Variants in CCDC138 observed in about 807,000 individuals in gnomAD.
The protein encoded by CCDC138 is coiled-coil domain containing 138.
A neutral mutation model predicts 82.3 loss-of-function variants in CCDC138; 66 were observed. That is an observed-to-expected ratio of 0.80 (90% CI 0.66 to 0.98). The LOEUF is 0.98. Among genes scored for constraint, CCDC138 ranks in the 50% least tolerant of loss-of-function variants. CCDC138 has a pLI of 0.00. For missense variants in CCDC138, 816 were observed against 758.9 expected (o/e 1.08, Z -0.88); for synonymous variants, 297 against 265.4 (o/e 1.12, Z -1.16).
At chr2:108,884,892 C>T (rs1696385420) in intron 2 of CCDC138, 1 of 151,288 alleles carries the variant, frequency 6.6e-6, no homozygotes, top group Non-Finnish European at 1.5e-5. Flanking sequence ...CACCTCTGCT[C>T]TGTGGCCAGG....
chr2:108,848,959 A>G (rs1171872022), intron 12 of CCDC138, among the ~76,000 whole-genome samples: 1 of 152,218 alleles, frequency 6.6e-6, no homozygotes, highest in East Asian at 1.9e-4. Context: ...TACTGCAGTT[A>G]TTATAACTAT....
intron 7 of CCDC138, 64 bp downstream of exon 7, chr2:108,805,072 A>G (rs1682637538): frequency 1.1e-6 from 1 of 927,528 alleles, no homozygotes; most frequent in Non-Finnish European, 1.5e-6. Context: ...TATATATAAC[A>G]AATTAAAGTC....
intron 10 of CCDC138, 84 bp from the exon 11 acceptor site, chr2:108,839,101 T>C (rs1207799126): frequency 3.6e-6 from 5 of 1,390,568 alleles, no homozygotes; most frequent in Non-Finnish European, 4.8e-6. Flanking sequence ...TTTTTAAAGA[T>C]AATTTTGGAA....
intron 12 of CCDC138, among the ~76,000 whole-genome samples, chr2:108,848,877 G>T (rs1690934753): frequency 1.3e-5 from 2 of 152,148 alleles, no homozygotes; most frequent in South Asian, 4.1e-4. Context: ...GCTTCCCTGT[G>T]CAAGTCATTT....
chr2:108,819,930 A>C (rs986994990), intron 10 of CCDC138, among the ~76,000 whole-genome samples: 3 of 152,238 alleles, frequency 2.0e-5, no homozygotes, highest in Non-Finnish European at 4.4e-5. Flanking sequence ...AGAGAACACA[A>C]AAAACTAAGC....
At chr2:108,820,712 A>AC (rs1553413043) in intron 10 of CCDC138, among the ~76,000 whole-genome samples, 5 of 22,600 alleles carry the variant, frequency 2.2e-4, no homozygotes, top group South Asian at 1.6e-3. Context: ...AAAAAAAAAA[A>AC]AAACAAACAA....
intron 9 of CCDC138, among the ~76,000 whole-genome samples, chr2:108,813,248 C>CAAAAAAAA (rs371435296): frequency 2.2e-4 from 14 of 63,542 alleles, no homozygotes; most frequent in Non-Finnish European, 3.1e-4. Flanking sequence ...GACTCCGTCT[C>CAAAAAAAA]AAAAAAAAAA....
intron 11 of CCDC138, among the ~76,000 whole-genome samples, chr2:108,843,844 T>TTGTGTGTGTG (rs71383805): frequency 0.012 from 270 of 22,820 alleles, 12 homozygotes; most frequent in African/African-American, 0.016. Flanking sequence ...AGTTCATGTT[T>TTGTGTGTGTG]TGTGTGTGTG....
chr2:108,873,437 G>C lies in CCDC138; in HGVS notation c.1694-14G>C. 1.3e-6 allele frequency: 2 copies of C among 1,572,618 alleles called. No individual in the cohort carries two copies. Among genetic ancestry groups the C allele is most frequent in the Non-Finnish European group, 1.7e-6 (2 of 1,163,860 alleles). ...TACTCCCTAATAGTAAAGCACTGTT[G>C]ATTTGTTTTGCAGAATCCTTGCAGC... On this transcript the variant is annotated splice_polypyrimidine_tract_variant and intron_variant, in intron 13 of 14. Coordinates refer to ENST00000295124, the MANE Select transcript of CCDC138 (RefSeq NM_144978.3).
chr2:108,876,399 A>G lies in CCDC138; in HGVS notation c.*146A>G, dbSNP rs980289563. ...ATAATTTTTTTGAACTGTAAAAATG[A>G]AATCTGTAGAAGGTATTGGAACTTT... On this transcript the variant is annotated 3_prime_UTR_variant, in exon 15 of 15. Transcript: ENST00000295124. 5 of 494,032 alleles carry G rather than the reference A, an allele frequency of 1.0e-5. No individual in the cohort carries two copies. Among genetic ancestry groups the G allele is most frequent in the African/African-American group, 9.7e-5 (5 of 51,598 alleles). 30.6% of individuals were successfully genotyped at this position (494,032 alleles called of 1,614,324 possible).
chr2:108,806,514 C>T (rs1020150868), intron 7 of CCDC138, among the ~76,000 whole-genome samples: 6 of 152,124 alleles, frequency 3.9e-5, no homozygotes, highest in Non-Finnish European at 5.9e-5. Flanking sequence ...GAGGTCAGCA[C>T]GCTTTTTCTG....
chr2:108,862,792 C>T (rs1693837751), intron 13 of CCDC138, among the ~76,000 whole-genome samples: 1 of 151,836 alleles, frequency 6.6e-6, no homozygotes, highest in Non-Finnish European at 1.5e-5. Flanking sequence ...TGTTGGCCAC[C>T]TTTTGTTTTT....
At chr2:108,838,742 T>C (rs1688982054) in intron 10 of CCDC138, among the ~76,000 whole-genome samples, 1 of 152,120 alleles carries the variant, frequency 6.6e-6, no homozygotes, top group Non-Finnish European at 1.5e-5. Flanking sequence ...AAAAAATCCT[T>C]TCATATATCT....
chr2:108,857,751 T>C (rs924236619), intron 13 of CCDC138, among the ~76,000 whole-genome samples: 3 of 152,200 alleles, frequency 2.0e-5, no homozygotes, highest in African/African-American at 2.4e-5. Flanking sequence ...GTTAGTGAAC[T>C]GAGGGATCCA....
At chr2:108,850,882 C>T (rs1420567547) in intron 12 of CCDC138, among the ~76,000 whole-genome samples, 1 of 152,016 alleles carries the variant, frequency 6.6e-6, no homozygotes, top group Non-Finnish European at 1.5e-5. Flanking sequence ...AGGTTTTTCC[C>T]CACATACCAA....
chr2:108,795,104 A>G (rs116170412), intron 5 of CCDC138, among the ~76,000 whole-genome samples: 1 of 149,704 alleles, frequency 6.7e-6, no homozygotes, highest in African/African-American at 2.4e-5. Flanking sequence ...TGAACTCTTA[A>G]CATTTGCTTA....
Position 108,851,611 on chromosome 2 carries a change from G to T in CCDC138, c.1516+4681G>T, listed in dbSNP as rs114301055. 9.0e-3 allele frequency among the ~76,000 whole-genome samples: 1,371 copies of T among 152,162 alleles called. 27 individuals carry two copies. Among genetic ancestry groups the T allele is most frequent in the African/African-American group, 0.031 (1,303 of 41,514 alleles). ...AGCCACCGCGCCCGGCCTTTCTCTTGGGTTTTTATGGAGGCTTCCTGACAT... is the reference window on the plus strand; with the variant it reads ...AGCCACCGCGCCCGGCCTTTCTCTTTGGTTTTTATGGAGGCTTCCTGACAT... On this transcript the variant is annotated intron_variant, in intron 12 of 14. Coordinates refer to ENST00000295124, the MANE Select transcript of CCDC138 (RefSeq NM_144978.3).
chr2:108,817,195 C>A (rs1469139382), intron 10 of CCDC138, among the ~76,000 whole-genome samples: 1 of 152,104 alleles, frequency 6.6e-6, no homozygotes, highest in Non-Finnish European at 1.5e-5. Flanking sequence ...ACTTTTTAAA[C>A]CAGAAGGATT....
At chr2:108,788,544 C>T (rs1558957492) in intron 2 of CCDC138, among the ~76,000 whole-genome samples, 2 of 151,674 alleles carry the variant, frequency 1.3e-5, no homozygotes, top group Non-Finnish European at 1.5e-5. Flanking sequence ...GGTGAAACCC[C>T]GTCTCTACTA....
Sources: allele counts gnomAD v4.1 joint callset (sites outside exome capture counted in the v4.1 genomes callset), GRCh38; gene constraint gnomAD v4.1.1; transcripts MANE v1.5; gene names NCBI Gene and HGNC (gene_info 2026-07-23, HGNC 2026-07-21).